CNTNAP2: variants seen among roughly 807,000 people sequenced by gnomAD.
The protein encoded by CNTNAP2 is contactin associated protein 2, also known as contactin-associated protein-like 2.
CNTNAP2 carries 98 observed loss-of-function variants against 155.2 expected under a neutral mutation model. That is an observed-to-expected ratio of 0.63 (90% CI 0.54 to 0.75). CNTNAP2 has a LOEUF of 0.75. CNTNAP2 is among the 30% of genes least tolerant of loss of function. The probability of loss-of-function intolerance (pLI) is 0.00; values close to 1 mark genes in which losing one functional copy is unlikely to be tolerated. For missense variants in CNTNAP2, 1,727 were observed against 1,688.1 expected (o/e 1.02, Z -0.40); for synonymous variants, 651 against 631.2 (o/e 1.03, Z -0.47).
At chr7:147,008,486 T>C (rs1469355624) in intron 3 of CNTNAP2, among the ~76,000 whole-genome samples, 1 of 152,104 alleles carries the variant, frequency 6.6e-6, no homozygotes, top group Non-Finnish European at 1.5e-5. Context: ...TCTATTCATA[T>C]TAGGTTTATT....
chr7:146,992,629 A>G (rs1029263501), intron 3 of CNTNAP2, among the ~76,000 whole-genome samples: 1 of 152,088 alleles, frequency 6.6e-6, no homozygotes, highest in Non-Finnish European at 1.5e-5. Flanking sequence ...CTCCCTGTAC[A>G]CAGGCCAATT....
At chr7:148,150,392 C>CA (rs1335281765) in intron 17 of CNTNAP2, among the ~76,000 whole-genome samples, 1 of 151,850 alleles carries the variant, frequency 6.6e-6, no homozygotes, top group Non-Finnish European at 1.5e-5. Flanking sequence ...ACTAAAAATA[C>CA]AAAAAATTAG....
At position 147,562,327 on chromosome 7, in the gene CNTNAP2, G is replaced by A. The variant is rs560564032; in HGVS notation, c.1897+70G>A. 34 of 1,599,272 alleles carry A rather than the reference G, an allele frequency of 2.1e-5. No homozygotes were observed. In the African/African-American group the frequency reaches 4.6e-4, roughly 21 times the overall value. On this transcript the variant is annotated intron_variant, in intron 12 of 23. Coordinates refer to ENST00000361727, the MANE Select transcript of CNTNAP2 (RefSeq NM_014141.6). ...GTCACGAATAAGTAGTTCCACCAAT[G>A]GTTTGTTTCTTTGGTGCTATGTTTT...
rs541886855 is a variant in CNTNAP2 at position 147,201,315 on chromosome 7, A to G, written c.1348+68806A>G. Among the ~76,000 whole-genome samples, 84 of 152,326 alleles carry G rather than the reference A, an allele frequency of 5.5e-4. 2 individuals carry two copies. In the South Asian group the frequency reaches 0.017, roughly 31 times the overall value. On this transcript the variant is annotated intron_variant, in intron 8 of 23. Coordinates refer to ENST00000361727, the MANE Select transcript of CNTNAP2 (RefSeq NM_014141.6). ...GATATTTATTATACACATTTCAGTA[A>G]AGAATGTTAAAATAAGTATCCCTGT...
intron 3 of CNTNAP2, among the ~76,000 whole-genome samples, chr7:147,007,716 ATATCT>A: frequency 6.6e-6 from 1 of 151,508 alleles, no homozygotes; most frequent in Non-Finnish European, 1.5e-5. Flanking sequence ...ATAAAATTAA[ATATCT>A]TAAAATATCT....
At chr7:146,901,770 C>G (rs1425274608) in intron 3 of CNTNAP2, among the ~76,000 whole-genome samples, 1 of 151,344 alleles carries the variant, frequency 6.6e-6, no homozygotes, top group Non-Finnish European at 1.5e-5. Flanking sequence ...TTTTTGCTAA[C>G]AATTGTATTG....
At chr7:146,533,473 A>G (rs905613238) in intron 1 of CNTNAP2, among the ~76,000 whole-genome samples, 1 of 152,188 alleles carries the variant, frequency 6.6e-6, no homozygotes, top group Non-Finnish European at 1.5e-5. Flanking sequence ...CAATATGTCC[A>G]CTTGTGTATT....
intron 8 of CNTNAP2, among the ~76,000 whole-genome samples, chr7:147,200,833 T>C (rs1802907218): frequency 6.6e-6 from 1 of 152,194 alleles, no homozygotes; most frequent in Non-Finnish European, 1.5e-5. Context: ...ATCTTACATT[T>C]GTATGGAGAA....
intron 1 of CNTNAP2, among the ~76,000 whole-genome samples, chr7:146,610,596 C>T (rs1414529479): frequency 6.6e-6 from 1 of 152,106 alleles, no homozygotes; most frequent in Non-Finnish European, 1.5e-5. Flanking sequence ...CAAAATATGA[C>T]AATATTTTAA....
intron 4 of CNTNAP2, 29 bp downstream of exon 4, chr7:147,044,083 C>T (rs1473839587): frequency 1.2e-6 from 2 of 1,613,132 alleles, no homozygotes; most frequent in African/African-American, 1.3e-5. Context: ...AAATTTGTGG[C>T]AGGTTTTATC....
intron 2 of CNTNAP2, among the ~76,000 whole-genome samples, chr7:146,780,901 T>C (rs186155472): frequency 2.0e-5 from 3 of 151,836 alleles, no homozygotes; most frequent in Admixed American, 2.0e-4. Flanking sequence ...AGGAGAGCAT[T>C]AGGAGAAATA....
chr7:148,141,855 G>A (rs1333017403), intron 16 of CNTNAP2, among the ~76,000 whole-genome samples: 1 of 152,200 alleles, frequency 6.6e-6, no homozygotes, highest in African/African-American at 2.4e-5. Context: ...AAAGTGAACA[G>A]CAAGTTCTAA....
intron 1 of CNTNAP2, among the ~76,000 whole-genome samples, chr7:146,667,354 C>G (rs1428086917): frequency 6.6e-6 from 1 of 152,070 alleles, no homozygotes; most frequent in Admixed American, 6.5e-5. Context: ...TGTTTCTATG[C>G]CAGTACCATG....
intron 1 of CNTNAP2, among the ~76,000 whole-genome samples, chr7:146,498,078 T>C (rs892549153): frequency 6.6e-6 from 1 of 152,102 alleles, no homozygotes; most frequent in Non-Finnish European, 1.5e-5. Context: ...ATGTAGTCTG[T>C]GTAGATAAAG....
intron 1 of CNTNAP2, among the ~76,000 whole-genome samples, chr7:146,186,569 T>C (rs1170491072): frequency 6.6e-6 from 1 of 152,212 alleles, no homozygotes; most frequent in East Asian, 1.9e-4. Context: ...TAATCACTTT[T>C]ATAGTGTCTT....
At chr7:148,107,365 C>T (rs1804245961) in intron 15 of CNTNAP2, among the ~76,000 whole-genome samples, 1 of 152,178 alleles carries the variant, frequency 6.6e-6, no homozygotes, top group Non-Finnish European at 1.5e-5. Context: ...CAGAGACACA[C>T]AGGGTGAAAT....
intron 10 of CNTNAP2, among the ~76,000 whole-genome samples, chr7:147,430,388 G>T (rs1372161893): frequency 1.3e-5 from 2 of 152,148 alleles, no homozygotes. Context: ...AACCATCTCA[G>T]GATTAACCCA....
intron 13 of CNTNAP2, chr7:147,704,277 A>C (rs554282786): frequency 1.9e-5 from 3 of 156,482 alleles, no homozygotes; most frequent in Non-Finnish European, 4.4e-5. Context: ...AAAAAAATAC[A>C]ATAAAGTTCT....
chr7:147,634,414 A>T (rs890268062), intron 12 of CNTNAP2, among the ~76,000 whole-genome samples: 18 of 152,196 alleles, frequency 1.2e-4, no homozygotes, highest in Non-Finnish European at 1.9e-4. Flanking sequence ...AAGACATAAA[A>T]GCATAACAAT....
Sources: allele counts gnomAD v4.1 joint callset (sites outside exome capture counted in the v4.1 genomes callset), GRCh38; gene constraint gnomAD v4.1.1; transcripts MANE v1.5; gene names NCBI Gene and HGNC (gene_info 2026-07-23, HGNC 2026-07-21).